The following KIZ variants were observed in gnomAD, a reference collection of about 807,000 sequenced individuals.
The protein encoded by KIZ is centrosomal protein kizuna.
A neutral mutation model predicts 79.6 loss-of-function variants in KIZ; 68 were observed. That is an observed-to-expected ratio of 0.85 (90% CI 0.70 to 1.05). The LOEUF (loss-of-function observed/expected upper bound fraction) is 1.05. Ranked by LOEUF, KIZ falls within the 50% of genes least tolerant of loss-of-function variation. KIZ has a pLI of 0.00. For synonymous variants in KIZ, 280 were observed against 281.8 expected (o/e 0.99, Z 0.06); for missense variants, 797 against 800.4 (o/e 1.00, Z 0.05).
intron 11 of KIZ, among the ~76,000 whole-genome samples, chr20:21,237,163 A>G (rs1225020215): frequency 6.7e-6 from 1 of 149,562 alleles, no homozygotes; most frequent in Non-Finnish European, 1.5e-5. Flanking sequence ...TTAGCTAGAC[A>G]TGGTGGCAGG....
chr20:21,246,442 C>T, intron 12 of KIZ, 37 bp from the exon 13 acceptor site: 1 of 1,344,522 alleles, frequency 7.4e-7, no homozygotes, highest in Non-Finnish European at 1.1e-6. Context: ...AACCAGAATG[C>T]AAAAATGTTA....
intron 9 of KIZ, among the ~76,000 whole-genome samples, chr20:21,216,283 T>G (rs2036289891): frequency 6.6e-6 from 1 of 152,240 alleles, no homozygotes; most frequent in Non-Finnish European, 1.5e-5. Context: ...TACTAGTACC[T>G]TATTTTGTGA....
At chr20:21,190,689 A>C (rs1293091505) in intron 6 of KIZ, among the ~76,000 whole-genome samples, 1 of 152,148 alleles carries the variant, frequency 6.6e-6, no homozygotes, top group African/African-American at 2.4e-5. Context: ...TTCAAGTAAA[A>C]ATTTTCATGG....
chr20:21,139,367 A>AT (rs1600364208), intron 3 of KIZ, among the ~76,000 whole-genome samples: 1 of 152,170 alleles, frequency 6.6e-6, no homozygotes, highest in East Asian at 1.9e-4. Flanking sequence ...AGGGGTATTT[A>AT]GAAACCAAGA....
intron 4 of KIZ, among the ~76,000 whole-genome samples, chr20:21,160,194 C>A (rs1277802108): frequency 6.6e-6 from 1 of 152,184 alleles, no homozygotes; most frequent in African/African-American, 2.4e-5. Context: ...TACACAGCTG[C>A]TCTCTGGTGA....
chr20:21,237,586 C>T (rs2037061497), intron 11 of KIZ, among the ~76,000 whole-genome samples: 1 of 152,148 alleles, frequency 6.6e-6, no homozygotes, highest in South Asian at 2.1e-4. Flanking sequence ...GCATGTCATG[C>T]CCGCGTATGA....
intron 7 of KIZ, among the ~76,000 whole-genome samples, chr20:21,212,060 G>C (rs546130994): frequency 6.6e-5 from 10 of 152,310 alleles, no homozygotes; most frequent in South Asian, 6.2e-4. Context: ...CTGCACTCCA[G>C]CTTGGGCAAG....
At chr20:21,135,048 G>A (rs1041918908) in intron 2 of KIZ, among the ~76,000 whole-genome samples, 2 of 152,186 alleles carry the variant, frequency 1.3e-5, no homozygotes, top group African/African-American at 2.4e-5. Flanking sequence ...TGCCCGGTGT[G>A]TAGAAGTCCT....
At chr20:21,132,048 C>A in intron 1 of KIZ, 49 bp from the exon 2 acceptor site, 1 of 799,574 alleles carries the variant, frequency 1.3e-6, no homozygotes, top group Non-Finnish European at 2.1e-6. Flanking sequence ...CTAAATCCAA[C>A]TCCCTGTTAC....
intron 2 of KIZ, among the ~76,000 whole-genome samples, chr20:21,134,822 A>G (rs1291508547): frequency 6.6e-6 from 1 of 151,494 alleles, no homozygotes; most frequent in Non-Finnish European, 1.5e-5. Flanking sequence ...ACATACCACC[A>G]CACCCGGCTA....
At chr20:21,135,087 G>GT (rs1310579372) in intron 2 of KIZ, among the ~76,000 whole-genome samples, 8 of 152,096 alleles carry the variant, frequency 5.3e-5, no homozygotes, top group Non-Finnish European at 1.0e-4. Context: ...CATTCATCAC[G>GT]TATTTACTTA....
chr20:21,177,382 C>T (rs536442881), intron 6 of KIZ, among the ~76,000 whole-genome samples: 4 of 152,098 alleles, frequency 2.6e-5, no homozygotes, highest in South Asian at 2.1e-4. Flanking sequence ...TTTATGGAGA[C>T]GTTGAAGAAA....
At chr20:21,205,109 C>T (rs1047885418) in intron 6 of KIZ, among the ~76,000 whole-genome samples, 1 of 152,074 alleles carries the variant, frequency 6.6e-6, no homozygotes, top group Non-Finnish European at 1.5e-5. Flanking sequence ...GAAAGCCAGT[C>T]TCATGATCCA....
intron 6 of KIZ, among the ~76,000 whole-genome samples, chr20:21,167,763 G>A (rs892816380): frequency 1.3e-5 from 2 of 151,982 alleles, no homozygotes; most frequent in Non-Finnish European, 1.5e-5. Context: ...GTTTTACCAT[G>A]TTGGCCAGGC....
At chr20:21,240,725 G>C (rs1220611633) in intron 11 of KIZ, among the ~76,000 whole-genome samples, 1 of 152,156 alleles carries the variant, frequency 6.6e-6, no homozygotes, top group Non-Finnish European at 1.5e-5. Flanking sequence ...CGCAAGCTAA[G>C]AGTGGTTTTC....
chr20:21,161,916 G>C lies in KIZ; in HGVS notation c.451G>C (p.Gly151Arg), dbSNP rs1409480619. 2 of 1,613,112 alleles carry C rather than the reference G, an allele frequency of 1.2e-6. No individual in the cohort carries two copies. Among genetic ancestry groups the C allele is most frequent in the South Asian group, 1.1e-5 (1 of 91,060 alleles). ...GINSGTAMSR[G>R]LYQPATIFMG... Reference sequence around the variant, plus strand: ...TAACTCAGGAACAGCCATGTCAAGAGGATTGTATCAACCAGCAACAATCTT... The same window carrying C: ...TAACTCAGGAACAGCCATGTCAAGACGATTGTATCAACCAGCAACAATCTT... The change falls in exon 5 of 13, where the codon GGA becomes CGA. Residue 151 changes from glycine to arginine, a missense_variant. Transcript: ENST00000619189.
intron 3 of KIZ, among the ~76,000 whole-genome samples, chr20:21,137,061 A>G (rs2122382219): frequency 6.6e-6 from 1 of 152,328 alleles, no homozygotes; most frequent in Admixed American, 6.5e-5. Context: ...ACTGAATTTG[A>G]GCAGCATTGG....
Position 21,205,550 on chromosome 20 carries a change from C to T in KIZ, c.1412C>T (p.Thr471Ile), listed in dbSNP as rs371723768. ...PRAQVGQHVATLKEHDNSVKE... is the reference protein window; with the variant it reads ...PRAQVGQHVAILKEHDNSVKE... ...GCACAGGTGGGTCAGCATGTTGCCA[C>T]CTTGAAAGAACATGATAATTCTGTC... is the stretch of plus-strand genomic sequence containing the variant. Residue 471 changes from threonine (T) to isoleucine (I), a missense_variant, in exon 7 of 13, where the codon ACC becomes ATC. Coordinates refer to ENST00000619189, the MANE Select transcript of KIZ (RefSeq NM_018474.6). The T allele has an allele frequency of 6.4e-6, 10 of 1,559,578 alleles. No homozygotes were observed. The highest frequency in any genetic ancestry group is 1.2e-5 in the South Asian group (1 of 85,696).
intron 6 of KIZ, chr20:21,194,986 G>A (rs1378055486): frequency 6.6e-6 from 1 of 152,230 alleles, no homozygotes; most frequent in African/African-American, 2.4e-5. Flanking sequence ...AAATTTAGAA[G>A]TGCAGTTGCT....
Sources: allele counts gnomAD v4.1 joint callset (sites outside exome capture counted in the v4.1 genomes callset), GRCh38; gene constraint gnomAD v4.1.1; transcripts MANE v1.5; gene names NCBI Gene and HGNC (gene_info 2026-07-23, HGNC 2026-07-21).